HSF5: variants seen among roughly 807,000 people sequenced by gnomAD.
The protein encoded by HSF5 is heat shock transcription factor 5.
HSF5 carries 5 observed loss-of-function variants against 50.8 expected under a neutral mutation model. The ratio of observed to expected loss-of-function variants is 0.10; its 90% CI spans 0.05 to 0.21. The LOEUF (loss-of-function observed/expected upper bound fraction) is 0.21, where lower values mean the gene tolerates loss of function less well. Among genes scored for constraint, HSF5 ranks in the 10% least tolerant of loss-of-function variants. The probability of loss-of-function intolerance (pLI) is 1.00; values close to 1 mark genes in which losing one functional copy is unlikely to be tolerated. For missense variants in HSF5, 564 were observed against 762.6 expected (o/e 0.74, Z 3.07); for synonymous variants, 307 against 307.4 (o/e 1.00, Z 0.02).
chr17:58,450,386 A>G (rs1351117139), intron 5 of HSF5, among the ~76,000 whole-genome samples: 1 of 149,862 alleles, frequency 6.7e-6, no homozygotes, highest in Non-Finnish European at 1.5e-5. Flanking sequence ...ATGAAAGTGA[A>G]GGGATGGAGA....
intron 3 of HSF5, among the ~76,000 whole-genome samples, chr17:58,464,941 T>C (rs1028056587): frequency 2.7e-3 from 405 of 151,510 alleles, no homozygotes; most frequent in Non-Finnish European, 4.5e-3. Flanking sequence ...TGGCAGATTT[T>C]TTTTTTTTTT....
At chr17:58,456,162 T>TACACAC (rs1555642240) in intron 5 of HSF5, among the ~76,000 whole-genome samples, 21 of 107,090 alleles carry the variant, frequency 2.0e-4, no homozygotes, top group African/African-American at 7.7e-4. Context: ...TGTGTGTGTG[T>TACACAC]ATATACACAC....
At chr17:58,457,364 C>T (rs1007049692) in intron 5 of HSF5, among the ~76,000 whole-genome samples, 6 of 151,786 alleles carry the variant, frequency 4.0e-5, no homozygotes, top group South Asian at 4.2e-4. Flanking sequence ...TTTAGGAGGC[C>T]GAGGTGGGTG....
intron 5 of HSF5, among the ~76,000 whole-genome samples, chr17:58,450,384 G>A (rs1225458354): frequency 2.1e-5 from 3 of 143,226 alleles, no homozygotes; most frequent in Non-Finnish European, 3.0e-5. Flanking sequence ...GAATGAAAGT[G>A]AAGGGATGGA....
At chr17:58,430,640 C>G (rs1454030130) in intron 5 of HSF5, among the ~76,000 whole-genome samples, 2 of 152,156 alleles carry the variant, frequency 1.3e-5, no homozygotes, top group African/African-American at 4.8e-5. Context: ...GGCTCTTAGG[C>G]TCTAGTCTTG....
At chr17:58,485,244 CGCCCGGCCCCAGATTTCTTTATA>C (rs1353957752) in intron 1 of HSF5, among the ~76,000 whole-genome samples, 3 of 152,076 alleles carry the variant, frequency 2.0e-5, no homozygotes, top group Non-Finnish European at 4.4e-5. Flanking sequence ...TGAGCCACCA[CGCCCGGCCCCAGATTTCTTTATA>C]GTAAATCCAT....
intron 5 of HSF5, among the ~76,000 whole-genome samples, chr17:58,453,355 G>A (rs1974666176): frequency 6.6e-6 from 1 of 152,122 alleles, no homozygotes; most frequent in African/African-American, 2.4e-5. Flanking sequence ...ACACTTTGGG[G>A]GGCTAAGGCA....
At position 58,487,779 on chromosome 17, in the gene HSF5, G is replaced by T; in HGVS notation, c.496C>A (p.Pro166Thr). The change falls in exon 1 of 6, where the codon CCA becomes ACA. Residue 166 changes from proline to threonine, a missense_variant. Pro to Thr is a conservative substitution (Grantham distance 38, BLOSUM62 -1). Transcript: ENST00000323777. ...GGCGGCGGCTGCTGGTGCTGCAGTG[G>T]CGCGGTGGCGGCGGAGGCCGAGGTG... is the stretch of plus-strand genomic sequence containing the variant. Reference protein sequence around the residue: ...LITSASAATAPLQHQQPPPPA... With the variant: ...LITSASAATATLQHQQPPPPA... 6.7e-7 allele frequency: 1 copy of T among 1,495,416 alleles called. No individual in the cohort carries two copies. The highest frequency in any genetic ancestry group is 8.8e-7 in the Non-Finnish European group (1 of 1,131,278). 92.6% of individuals were successfully genotyped at this position (1,495,416 alleles called of 1,614,324 possible). A position where few individuals can be genotyped will look rare whatever the true frequency, so the allele number is the denominator to read the frequency against.
At chr17:58,478,560 A>AT (rs1256969486) in intron 2 of HSF5, among the ~76,000 whole-genome samples, 1 of 150,618 alleles carries the variant, frequency 6.6e-6, no homozygotes, top group Non-Finnish European at 1.5e-5. Flanking sequence ...AAAGTTTTCT[A>AT]TTAAAAAAGA....
chr17:58,471,449 C>T (rs902266309), intron 2 of HSF5, among the ~76,000 whole-genome samples: 1 of 151,994 alleles, frequency 6.6e-6, no homozygotes, highest in Admixed American at 6.6e-5. Flanking sequence ...GGATTAGAAG[C>T]ATAAAGATCA....
At chr17:58,483,554 C>A (rs1358076725) in intron 1 of HSF5, among the ~76,000 whole-genome samples, 2 of 152,140 alleles carry the variant, frequency 1.3e-5, no homozygotes, top group Admixed American at 6.5e-5. Flanking sequence ...CTCAAAAATT[C>A]TATTTCTTTT....
chr17:58,486,896 TTCTC>T (rs1157698409), intron 1 of HSF5, among the ~76,000 whole-genome samples: 1 of 143,950 alleles, frequency 6.9e-6, no homozygotes, highest in African/African-American at 2.6e-5. Flanking sequence ...ATGTTCTAAG[TTCTC>T]TCTTTTTTTT....
chr17:58,476,513 T>G, intron 2 of HSF5: 1 of 1,224,792 alleles, frequency 8.2e-7, no homozygotes, highest in East Asian at 2.3e-5. Flanking sequence ...CCACTCTTAT[T>G]CAGATGAAAT....
intron 5 of HSF5, among the ~76,000 whole-genome samples, chr17:58,453,381 G>T (rs1974666366): frequency 6.6e-6 from 1 of 152,144 alleles, no homozygotes; most frequent in Non-Finnish European, 1.5e-5. Flanking sequence ...ATCACTTGAG[G>T]TCAGGAGTTT....
intron 5 of HSF5, among the ~76,000 whole-genome samples, chr17:58,456,166 TACACACAC>T (rs750773079): frequency 1.4e-5 from 2 of 141,318 alleles, no homozygotes; most frequent in Non-Finnish European, 3.1e-5. Flanking sequence ...TGTGTGTATA[TACACACAC>T]ACACACACAC....
At chr17:58,435,695 C>T (rs539159903) in intron 5 of HSF5, among the ~76,000 whole-genome samples, 2 of 151,874 alleles carry the variant, frequency 1.3e-5, no homozygotes, top group African/African-American at 2.4e-5. Flanking sequence ...AGCAGGAGAT[C>T]GAGACCATCC....
At chr17:58,442,580 C>A (rs369891782) in intron 5 of HSF5, among the ~76,000 whole-genome samples, 66 of 152,126 alleles carry the variant, frequency 4.3e-4, no homozygotes, top group Non-Finnish European at 8.5e-4. Context: ...GCTTTCCCTG[C>A]ATCTATTAAA....
intron 5 of HSF5, among the ~76,000 whole-genome samples, chr17:58,429,715 G>A (rs1294559316): frequency 5.3e-5 from 8 of 149,666 alleles, no homozygotes; most frequent in South Asian, 2.1e-4. Context: ...GCATGGTGGC[G>A]GGCGCCTGTA....
intron 4 of HSF5, among the ~76,000 whole-genome samples, chr17:58,462,127 C>T (rs182964024): frequency 6.8e-4 from 103 of 152,254 alleles, no homozygotes; most frequent in African/African-American, 1.9e-3. Flanking sequence ...AAAATGAGAA[C>T]GTGCTATTTG....
Sources: gnomAD v4.1 joint callset for allele counts (sites outside exome capture counted in the v4.1 genomes callset) on GRCh38, gnomAD v4.1.1 for gene constraint, MANE v1.5 for transcripts, NCBI Gene and HGNC (gene_info 2026-07-23, HGNC 2026-07-21) for gene names.